The following SAMD3 variants were observed in gnomAD, a reference collection of about 807,000 sequenced individuals.
SAMD3 encodes sterile alpha motif domain containing 3.
A neutral mutation model predicts 58.5 loss-of-function variants in SAMD3; 63 were observed. That is an observed-to-expected ratio of 1.08 (90% CI 0.88 to 1.33). SAMD3 has a LOEUF of 1.33. SAMD3 is among the 40% of genes most tolerant of loss of function. The probability of loss-of-function intolerance (pLI) is 0.00; values close to 1 mark genes in which losing one functional copy is unlikely to be tolerated. For missense variants in SAMD3, 604 were observed against 608.4 expected, an observed-to-expected ratio of 0.99 and a Z score of 0.08; for synonymous variants, 220 against 210.3, an observed-to-expected ratio of 1.05 and a Z score of -0.40.
At chr6:130,323,435 A>G (rs1019351540) in intron 1 of SAMD3, among the ~76,000 whole-genome samples, 1 of 135,124 alleles carries the variant, frequency 7.4e-6, no homozygotes, top group Non-Finnish European at 1.5e-5. Flanking sequence ...TTGCAAGGTA[A>G]AATTTCCAAT....
At chr6:130,341,008 A>G (rs764781273) in intron 1 of SAMD3, among the ~76,000 whole-genome samples, 245 of 152,336 alleles carry the variant, frequency 1.6e-3, no homozygotes, top group Non-Finnish European at 2.9e-3. Flanking sequence ...AAACATTAAA[A>G]GGTTTTCAGT....
intron 5 of SAMD3, among the ~76,000 whole-genome samples, chr6:130,197,322 T>G (rs6569662): frequency 0.38 from 57,110 of 152,114 alleles, 11,436 homozygotes; most frequent in African/African-American, 0.47. Flanking sequence ...ATACATGCCC[T>G]GCTCTTGTTT....
chr6:130,185,612 C>A (rs913168268), intron 5 of SAMD3, among the ~76,000 whole-genome samples: 10 of 151,400 alleles, frequency 6.6e-5, no homozygotes, highest in Non-Finnish European at 1.3e-4. Context: ...CAGGCCTGAG[C>A]CACTGCATCT....
chr6:130,274,752 C>CTTTT (rs202123647), intron 2 of SAMD3, among the ~76,000 whole-genome samples: 36,401 of 144,806 alleles, frequency 0.25, 4,896 homozygotes, highest in East Asian at 0.46. Context: ...GCCTAAATAT[C>CTTTT]TTTTTTTTTT....
At chr6:130,188,087 T>A (rs1214000580) in intron 5 of SAMD3, among the ~76,000 whole-genome samples, 1 of 152,220 alleles carries the variant, frequency 6.6e-6, no homozygotes, top group Non-Finnish European at 1.5e-5. Context: ...GGTGCTAATT[T>A]AAAAAATGAT....
chr6:130,309,757 C>G (rs1033091194), intron 2 of SAMD3, among the ~76,000 whole-genome samples: 3 of 152,204 alleles, frequency 2.0e-5, no homozygotes, highest in African/African-American at 7.2e-5. Flanking sequence ...AATCCATTTT[C>G]ACTGCCATTG....
At chr6:130,148,824 G>A (rs1365129068) in intron 9 of SAMD3, among the ~76,000 whole-genome samples, 1 of 149,612 alleles carries the variant, frequency 6.7e-6, no homozygotes, top group East Asian at 2.0e-4. Flanking sequence ...AGTGAGCCAT[G>A]ATCATGACAC....
At chr6:130,173,917 C>G (rs769247391) in intron 8 of SAMD3, among the ~76,000 whole-genome samples, 15 of 152,202 alleles carry the variant, frequency 9.9e-5, no homozygotes, top group Non-Finnish European at 2.1e-4. Context: ...TCTAGAGAAG[C>G]AGTCTGGCCA....
At chr6:130,181,525 G>A (rs887459449) in intron 7 of SAMD3, among the ~76,000 whole-genome samples, 2 of 152,074 alleles carry the variant, frequency 1.3e-5, no homozygotes, top group East Asian at 1.9e-4. Flanking sequence ...ATCAGTTAAC[G>A]GTCCTTAGTG....
chr6:130,351,691 G>T (rs1027739273), intron 1 of SAMD3, among the ~76,000 whole-genome samples: 2 of 152,138 alleles, frequency 1.3e-5, no homozygotes, highest in African/African-American at 4.8e-5. Flanking sequence ...AATACCATTT[G>T]ACCCACCCAT....
intron 2 of SAMD3, among the ~76,000 whole-genome samples, chr6:130,272,756 C>A (rs559871337): frequency 1.3e-5 from 2 of 152,210 alleles, no homozygotes; most frequent in East Asian, 3.9e-4. Flanking sequence ...GTTGCCCAGG[C>A]TGGTCTCAAG....
chr6:130,230,452 A>G (rs1168206130), intron 2 of SAMD3, among the ~76,000 whole-genome samples: 1 of 152,090 alleles, frequency 6.6e-6, no homozygotes, highest in Non-Finnish European at 1.5e-5. Context: ...CAATGGTGCA[A>G]TCTCAGCTCA....
intron 3 of SAMD3, 140 bp from the exon 4 acceptor site, chr6:130,214,666 CAAAGAT>C (rs894609673): frequency 1.7e-6 from 1 of 571,776 alleles, no homozygotes. Flanking sequence ...ATATTTTTGA[CAAAGAT>C]AAAACTCCAA....
intron 1 of SAMD3, among the ~76,000 whole-genome samples, chr6:130,358,726 T>TACAC (rs3029958): frequency 0.024 from 3,408 of 144,668 alleles, 45 homozygotes; most frequent in Non-Finnish European, 0.025. Flanking sequence ...CACTATGTCT[T>TACAC]ACACACACAC....
intron 7 of SAMD3, among the ~76,000 whole-genome samples, chr6:130,182,546 AGAAG>A (rs899400780): frequency 6.7e-6 from 1 of 148,206 alleles, no homozygotes. Flanking sequence ...AAGGAAGGAA[AGAAG>A]GAAGGAAGGG....
chr6:130,176,356 T>C (rs1791725991), intron 7 of SAMD3, among the ~76,000 whole-genome samples: 1 of 152,220 alleles, frequency 6.6e-6, no homozygotes, highest in South Asian at 2.1e-4. Flanking sequence ...CCACAACCAA[T>C]TCCATTTTTC....
chr6:130,221,136 G>A (rs112773621), intron 1 of SAMD3, among the ~76,000 whole-genome samples: 3 of 152,160 alleles, frequency 2.0e-5, no homozygotes, highest in South Asian at 2.1e-4. Context: ...TTACAGGCAT[G>A]AGCCACCACG....
intron 5 of SAMD3, among the ~76,000 whole-genome samples, chr6:130,197,007 T>C (rs975858552): frequency 6.6e-6 from 1 of 152,200 alleles, no homozygotes; most frequent in Non-Finnish European, 1.5e-5. Flanking sequence ...TTATATCCCT[T>C]ACGGTCCTCC....
chr6:130,308,379 T>C (rs1188110203), intron 2 of SAMD3, among the ~76,000 whole-genome samples: 1 of 132,854 alleles, frequency 7.5e-6, no homozygotes, highest in Non-Finnish European at 1.6e-5. Flanking sequence ...TATTCTATTC[T>C]ATTCTATTCT....
Sources: allele counts gnomAD v4.1 joint callset (sites outside exome capture counted in the v4.1 genomes callset), GRCh38; gene constraint gnomAD v4.1.1; transcripts MANE v1.5; gene names NCBI Gene and HGNC (gene_info 2026-07-23, HGNC 2026-07-21).